Variants in FANCC observed in about 807,000 individuals in gnomAD.
FANCC encodes FA complementation group C.
Under a neutral mutation model 71.3 loss-of-function variants are expected in FANCC, and 55 were observed. That is an observed-to-expected ratio of 0.77 (90% CI 0.62 to 0.97). The LOEUF (loss-of-function observed/expected upper bound fraction) is 0.97, where lower values mean the gene tolerates loss of function less well. Among genes scored for constraint, FANCC ranks in the 50% least tolerant of loss-of-function variants. The pLI is 0.00. For synonymous variants in FANCC, 275 were observed against 244.9 expected (o/e 1.12, Z -1.15); for missense variants, 678 against 670.9 (o/e 1.01, Z -0.12).
intron 4 of FANCC, among the ~76,000 whole-genome samples, chr9:95,208,699 C>T (rs1490039982): frequency 2.0e-5 from 3 of 152,134 alleles, no homozygotes. Flanking sequence ...TACCACTATA[C>T]ACCTATTAAA....
intron 7 of FANCC, among the ~76,000 whole-genome samples, chr9:95,139,838 A>T (rs1564685130): frequency 2.0e-5 from 3 of 147,002 alleles, no homozygotes; most frequent in African/African-American, 4.9e-5. Flanking sequence ...ATATATTTAT[A>T]TATATATATA....
chr9:95,146,811 G>T (rs1829633291), intron 7 of FANCC, among the ~76,000 whole-genome samples: 1 of 151,988 alleles, frequency 6.6e-6, no homozygotes, highest in Non-Finnish European at 1.5e-5. Flanking sequence ...TCAAAGAACT[G>T]TTTCCAGAGA....
chr9:95,153,894 T>G (rs1042102603), intron 6 of FANCC, among the ~76,000 whole-genome samples: 1 of 152,202 alleles, frequency 6.6e-6, no homozygotes, highest in African/African-American at 2.4e-5. Context: ...CAACCCTAAT[T>G]AATTCTTTAG....
At chr9:95,259,409 C>A (rs2136157191) in intron 1 of FANCC, among the ~76,000 whole-genome samples, 1 of 152,328 alleles carries the variant, frequency 6.6e-6, no homozygotes, top group East Asian at 1.9e-4. Flanking sequence ...ACCATCTGAT[C>A]TTTGACAAAC....
intron 6 of FANCC, among the ~76,000 whole-genome samples, chr9:95,167,220 C>A (rs1463225835): frequency 6.6e-6 from 1 of 152,122 alleles, no homozygotes; most frequent in Non-Finnish European, 1.5e-5. Flanking sequence ...TGACAAGTCA[C>A]TTTTTTCTTG....
chr9:95,260,071 G>A (rs1831925072), intron 1 of FANCC, among the ~76,000 whole-genome samples: 1 of 152,214 alleles, frequency 6.6e-6, no homozygotes, highest in Non-Finnish European at 1.5e-5. Flanking sequence ...GGAGAAACAG[G>A]AACGCTTTTA....
chr9:95,251,771 A>G (rs1424427266), intron 1 of FANCC, among the ~76,000 whole-genome samples: 1 of 152,156 alleles, frequency 6.6e-6, no homozygotes, highest in African/African-American at 2.4e-5. Context: ...GCAATATATT[A>G]AATACTTTAT....
At chr9:95,185,818 G>A (rs890131161) in intron 4 of FANCC, among the ~76,000 whole-genome samples, 3 of 152,102 alleles carry the variant, frequency 2.0e-5, no homozygotes, top group African/African-American at 4.8e-5. Flanking sequence ...GGAAACACTT[G>A]TCCCCATTAC....
intron 14 of FANCC, 40 bp from the exon 15 acceptor site, chr9:95,101,890 T>C: frequency 6.2e-7 from 1 of 1,612,336 alleles, no homozygotes; most frequent in South Asian, 1.1e-5. Flanking sequence ...TAAAACACTT[T>C]CCAGACAGAT....
chr9:95,196,815 G>A (rs1410107058), intron 4 of FANCC, among the ~76,000 whole-genome samples: 3 of 152,142 alleles, frequency 2.0e-5, no homozygotes, highest in African/African-American at 4.8e-5. Flanking sequence ...GGCAGACCAC[G>A]GACTCTAATT....
intron 4 of FANCC, among the ~76,000 whole-genome samples, chr9:95,196,479 T>C (rs1321058289): frequency 6.6e-6 from 1 of 152,210 alleles, no homozygotes; most frequent in Non-Finnish European, 1.5e-5. Flanking sequence ...TTGTCTGCTA[T>C]TTCTACTGAT....
At chr9:95,151,023 T>C (rs935534056) in intron 6 of FANCC, among the ~76,000 whole-genome samples, 1 of 152,204 alleles carries the variant, frequency 6.6e-6, no homozygotes, top group Non-Finnish European at 1.5e-5. Context: ...GCTCAACAGC[T>C]ATAGGTGGCT....
chr9:95,221,578 G>C (rs1046505874), intron 4 of FANCC, among the ~76,000 whole-genome samples: 3 of 151,964 alleles, frequency 2.0e-5, no homozygotes, highest in Admixed American at 6.5e-5. Flanking sequence ...ATACAATTAA[G>C]AAAATGAAAA....
chr9:95,171,025 C>T, intron 6 of FANCC, 54 bp downstream of exon 6: 1 of 1,431,366 alleles, frequency 7.0e-7, no homozygotes, highest in South Asian at 1.1e-5. Flanking sequence ...CCTCTCATAA[C>T]CAAACTGATA....
intron 11 of FANCC, 46 bp downstream of exon 11, chr9:95,117,269 T>C: frequency 6.4e-7 from 1 of 1,554,712 alleles, no homozygotes; most frequent in Non-Finnish European, 8.9e-7. Context: ...GACAATGCTC[T>C]TCCCAGGAAA....
chr9:95,257,720 C>CA (rs1051050753), intron 1 of FANCC, among the ~76,000 whole-genome samples: 30 of 151,962 alleles, frequency 2.0e-4, no homozygotes, highest in Non-Finnish European at 3.2e-4. Context: ...AAAAACCCTT[C>CA]AAAAAAATCA....
At chr9:95,111,287 C>G in intron 13 of FANCC, 176 bp downstream of exon 13, 1 of 1,566,964 alleles carries the variant, frequency 6.4e-7, no homozygotes, top group Non-Finnish European at 8.6e-7. Context: ...GACAGGAGAA[C>G]GCCTCTGACC....
At chr9:95,295,922 T>C (rs1834341959) in intron 1 of FANCC, among the ~76,000 whole-genome samples, 1 of 152,192 alleles carries the variant, frequency 6.6e-6, no homozygotes, top group African/African-American at 2.4e-5. Flanking sequence ...TGGCTAACAA[T>C]ATTATGCTGT....
At chr9:95,214,997 G>A (rs918746969) in intron 4 of FANCC, among the ~76,000 whole-genome samples, 7 of 152,114 alleles carry the variant, frequency 4.6e-5, no homozygotes, top group Admixed American at 3.3e-4. Context: ...AATTTTATAT[G>A]CATTTTACCA....
Sources: gnomAD v4.1 joint callset for allele counts (sites outside exome capture counted in the v4.1 genomes callset) on GRCh38, gnomAD v4.1.1 for gene constraint, MANE v1.5 for transcripts, NCBI Gene and HGNC (gene_info 2026-07-23, HGNC 2026-07-21) for gene names.